Variants in SLC44A1 observed in about 807,000 individuals in gnomAD.
The protein encoded by SLC44A1 is choline transporter-like protein 1.
SLC44A1 carries 26 observed loss-of-function variants against 79.3 expected under a neutral mutation model. The observed-to-expected ratio is 0.33, with a 90% CI of 0.24 to 0.46. The LOEUF (loss-of-function observed/expected upper bound fraction) is 0.46. Among genes scored for constraint, SLC44A1 ranks in the 20% least tolerant of loss-of-function variants. The pLI, the probability that SLC44A1 is intolerant of heterozygous loss-of-function variation, is 1.00. For synonymous variants in SLC44A1, 263 were observed against 286.2 expected (o/e 0.92, Z 0.82); for missense variants, 688 against 798.1 (o/e 0.86, Z 1.66).
At position 105,305,843 on chromosome 9, in the gene SLC44A1, C is replaced by T. The variant is rs10991615; in HGVS notation, c.127-3881C>T. On this transcript the variant is annotated intron_variant, in intron 2 of 15. Transcript: ENST00000374720. ...CATGCTTGTGAAATAAAAGTGTGTC[C>T]TTTTTTTTTTTTTTTTTTTTTTTTA... 3.9e-3 allele frequency among the ~76,000 whole-genome samples: 329 copies of T among 84,960 alleles called. 9 individuals are homozygous for T. The highest frequency in any genetic ancestry group is 0.021 in the Middle Eastern group (3 of 146). 55.7% of individuals were successfully genotyped at this position (84,960 alleles called of 152,430 possible).
At chr9:105,274,099 A>G (rs893995102) in intron 1 of SLC44A1, among the ~76,000 whole-genome samples, 5 of 152,226 alleles carry the variant, frequency 3.3e-5, no homozygotes, top group Admixed American at 3.3e-4. Context: ...AAAAACCAGT[A>G]AAGGATATAT....
chr9:105,318,913 C>T (rs1206596095), intron 3 of SLC44A1, among the ~76,000 whole-genome samples: 1 of 152,090 alleles, frequency 6.6e-6, no homozygotes, highest in African/African-American at 2.4e-5. Flanking sequence ...AGTTAAACAG[C>T]TGGTACAAAT....
rs562455971 is a variant in SLC44A1 at position 105,394,136 on chromosome 9, G to A, written c.*5080G>A. 1.0e-6 allele frequency: 1 copy of A among 985,314 alleles called. No homozygotes were observed. The highest frequency in any genetic ancestry group is 4.7e-5 in the South Asian group (1 of 21,280). The allele number at this position is 985,314 out of a possible 1,614,324, so 61.0% of individuals were successfully genotyped here. On this transcript the variant is annotated 3_prime_UTR_variant, in exon 16 of 16. Transcript: ENST00000374720. ...CCTCAGACGGCCAGCTTCCACCCCT[G>A]TACCCCCTCAGGGGCTAATGAACCC...
At chr9:105,335,066 T>C (rs1224580245) in intron 3 of SLC44A1, among the ~76,000 whole-genome samples, 1 of 152,180 alleles carries the variant, frequency 6.6e-6, no homozygotes, top group Non-Finnish European at 1.5e-5. Context: ...TATTCAGTTG[T>C]ATATATTCAT....
downstream of SLC44A1, among the ~76,000 whole-genome samples, chr9:105,398,996 T>C (rs1828922198): frequency 6.6e-6 from 1 of 152,228 alleles, no homozygotes; most frequent in Non-Finnish European, 1.5e-5. Flanking sequence ...TGTGTCAGGC[T>C]GCATTCAAAG....
chr9:105,256,223 G>C (rs1206438388), intron 1 of SLC44A1, among the ~76,000 whole-genome samples: 1 of 151,892 alleles, frequency 6.6e-6, no homozygotes, highest in East Asian at 1.9e-4. Flanking sequence ...TGTTGCCCAG[G>C]CTGGTCTTGA....
chr9:105,261,692 C>T (rs1233330242), intron 1 of SLC44A1, among the ~76,000 whole-genome samples: 1 of 151,478 alleles, frequency 6.6e-6, no homozygotes, highest in African/African-American at 2.4e-5. Context: ...TGTAAGTGTG[C>T]AGTCTGTTAA....
Position 105,246,944 on chromosome 9 carries a change from G to A in SLC44A1, c.36+2040G>A, listed in dbSNP as rs115043151. Among the ~76,000 whole-genome samples the A allele has an allele frequency of 1.8e-3, 276 of 152,288 alleles. 1 individual carries two copies. The highest frequency in any genetic ancestry group is 6.2e-3 in the African/African-American group (259 of 41,544). On this transcript the variant is annotated intron_variant, in intron 1 of 15. Transcript: ENST00000374720. The stretch of plus-strand genomic sequence containing the variant: ...ACATGCCTTGTTCCACAGATAAGAT[G>A]CATGTCATGCACCCAAGGGGTGCAT...
intron 15 of SLC44A1, among the ~76,000 whole-genome samples, chr9:105,418,101 A>G (rs1366478464): frequency 6.6e-6 from 1 of 151,808 alleles, no homozygotes. Flanking sequence ...GGATCACCTG[A>G]GGTCAGGAGT....
At chr9:105,332,118 C>CTTTTTTTTT (rs34173274) in intron 3 of SLC44A1, among the ~76,000 whole-genome samples, 8 of 128,240 alleles carry the variant, frequency 6.2e-5, no homozygotes, top group Non-Finnish European at 1.0e-4. Flanking sequence ...TTCTTTGTTT[C>CTTTTTTTTT]TTTTTTTTTT....
At chr9:105,360,262 C>A (rs369573119) in intron 7 of SLC44A1, among the ~76,000 whole-genome samples, 59 of 152,140 alleles carry the variant, frequency 3.9e-4, no homozygotes, top group African/African-American at 1.4e-3. Flanking sequence ...CTTACTAATA[C>A]CAGTGAGGCC....
chr9:105,278,632 C>T (rs545180955), intron 1 of SLC44A1, among the ~76,000 whole-genome samples: 19 of 152,284 alleles, frequency 1.2e-4, no homozygotes, highest in African/African-American at 3.8e-4. Flanking sequence ...GTACCCGCTT[C>T]GGCCTCCCAA....
intron 1 of SLC44A1, among the ~76,000 whole-genome samples, chr9:105,267,794 G>A (rs900103793): frequency 6.6e-6 from 1 of 152,050 alleles, no homozygotes; most frequent in East Asian, 1.9e-4. Context: ...TAGGAACGGG[G>A]CCCTAAAAGA....
chr9:105,304,239 G>A (rs1433847513), intron 2 of SLC44A1, among the ~76,000 whole-genome samples: 1 of 152,122 alleles, frequency 6.6e-6, no homozygotes, highest in Non-Finnish European at 1.5e-5. Context: ...CTATTGTTGA[G>A]CGTGCAGAAC....
chr9:105,311,633 A>C (rs6479307), intron 3 of SLC44A1, among the ~76,000 whole-genome samples: 12,080 of 152,226 alleles, frequency 0.079, 922 homozygotes, highest in African/African-American at 0.21. Flanking sequence ...GAATGTTTAG[A>C]ATAGTCAAGA....
At chr9:105,360,673 G>A (rs1827752701) in intron 7 of SLC44A1, among the ~76,000 whole-genome samples, 1 of 152,156 alleles carries the variant, frequency 6.6e-6, no homozygotes, top group South Asian at 2.1e-4. Context: ...CCTCCCTTTG[G>A]TGGGAACTGT....
intron 12 of SLC44A1, among the ~76,000 whole-genome samples, chr9:105,366,971 A>G (rs1043708605): frequency 1.3e-5 from 2 of 151,452 alleles, no homozygotes; most frequent in African/African-American, 4.9e-5. Flanking sequence ...GCTAAACACT[A>G]TGATATTGGC....
chr9:105,375,498 A>G (rs913098070), intron 13 of SLC44A1, among the ~76,000 whole-genome samples: 1 of 152,228 alleles, frequency 6.6e-6, no homozygotes, highest in Non-Finnish European at 1.5e-5. Flanking sequence ...TCTGTGCCTC[A>G]GTTTGCTCAT....
chr9:105,253,733 AT>A (rs1006589547), intron 1 of SLC44A1, among the ~76,000 whole-genome samples: 3 of 151,150 alleles, frequency 2.0e-5, no homozygotes, highest in South Asian at 2.1e-4. Flanking sequence ...CCCTGTCTTT[AT>A]TTTTTTTTGA....
Sources: allele counts gnomAD v4.1 joint callset (sites outside exome capture counted in the v4.1 genomes callset), GRCh38; gene constraint gnomAD v4.1.1; transcripts MANE v1.5; gene names NCBI Gene and HGNC (gene_info 2026-07-23, HGNC 2026-07-21).